SCUBE2: variants seen among roughly 807,000 people sequenced by gnomAD.
SCUBE2 encodes signal peptide, CUB domain and EGF like domain containing 2.
SCUBE2 carries 114 observed loss-of-function variants against 125.9 expected under a neutral mutation model. That is an observed-to-expected ratio of 0.91 (90% CI 0.78 to 1.06). SCUBE2 has a LOEUF of 1.06. SCUBE2 is among the 50% of genes least tolerant of loss of function. SCUBE2 has a pLI of 0.00. For missense variants in SCUBE2, 1,255 were observed against 1,301.8 expected (o/e 0.96, Z 0.55); for synonymous variants, 459 against 492.9 (o/e 0.93, Z 0.91).
chr11:9,028,212 T>G (rs1195861833), intron 19 of SCUBE2, among the ~76,000 whole-genome samples: 1 of 119,370 alleles, frequency 8.4e-6, no homozygotes, highest in Non-Finnish European at 1.9e-5. Context: ...TTTTTTTTCC[T>G]CATTTTTTTT....
At position 9,086,588 on chromosome 11, in the gene SCUBE2, C is replaced by A. The variant is rs566925630; in HGVS notation, c.256+3119G>T. 1.4e-3 allele frequency among the ~76,000 whole-genome samples: 219 copies of A among 152,024 alleles called. 1 individual carries two copies. The highest frequency in any genetic ancestry group is 4.9e-3 in the African/African-American group (204 of 41,450). On this transcript the variant is annotated intron_variant, in intron 2 of 22. Transcript: ENST00000649792. The stretch of plus-strand genomic sequence containing the variant: ...GACATCCTGGCCGGGCGCAGTGGCT[C>A]ACGCCTATAATCCCAGCACTTTGGG...
chr11:9,040,514 AG>A (rs1380455072), intron 16 of SCUBE2, among the ~76,000 whole-genome samples: 6 of 113,220 alleles, frequency 5.3e-5, no homozygotes, highest in African/African-American at 1.7e-4. Flanking sequence ...CGCAGGAGAA[AG>A]GGAGGATTCA....
intron 16 of SCUBE2, among the ~76,000 whole-genome samples, chr11:9,040,979 GAA>G (rs1857190189): frequency 1.3e-5 from 2 of 152,230 alleles, no homozygotes; most frequent in African/African-American, 4.8e-5. Flanking sequence ...TCATGAGACA[GAA>G]ACAGTTACGA....
chr11:9,059,364 G>A lies in SCUBE2; in HGVS notation c.1029C>T (p.Gly343=). The A allele has an allele frequency of 1.2e-6, 2 of 1,614,164 alleles. No individual in the cohort carries two copies. The highest frequency in any genetic ancestry group is 1.1e-5 in the South Asian group (1 of 91,082). Residue 343 remains glycine, a synonymous_variant, in exon 9 of 23, where the codon GGC becomes GGT. Coordinates refer to ENST00000649792, the MANE Select transcript of SCUBE2 (RefSeq NM_001367977.2). ...CTTTCTTGCAGCCGCAGTCAAAACT[G>A]CCCACGATGTTTTTGCAGAAATGAT... ...GCDHFCKNIV[G]SFDCGCKKGF...
chr11:9,053,134 A>C lies in SCUBE2; in HGVS notation c.1412T>G (p.Phe471Cys), dbSNP rs1186804191. ...CGKSGGGDGC[F>C]LRCHSGIHLS... ...GTGAATGCCAGAGTGACATCTGAGG[A>C]AGCACCCGTCTCCTCCACCACTCTT... Residue 471 changes from phenylalanine (F) to cysteine (C), a missense_variant, in exon 12 of 23, where the codon TTC (phenylalanine) becomes TGC (cysteine). By Grantham distance (205) the Phe-to-Cys change is radical. Coordinates refer to ENST00000649792, the MANE Select transcript of SCUBE2 (RefSeq NM_001367977.2). The C allele has an allele frequency of 6.2e-7, 1 of 1,614,092 alleles. No homozygotes were observed. The highest frequency in any genetic ancestry group is 1.3e-5 in the African/African-American group (1 of 74,940).
At chr11:9,036,919 T>A (rs1401952077) in intron 16 of SCUBE2, among the ~76,000 whole-genome samples, 1 of 152,204 alleles carries the variant, frequency 6.6e-6, no homozygotes, top group Non-Finnish European at 1.5e-5. Context: ...CACCAGTTCT[T>A]TTTCCTCACA....
intron 2 of SCUBE2, among the ~76,000 whole-genome samples, chr11:9,089,288 G>C (rs1462884246): frequency 1.3e-5 from 2 of 152,220 alleles, no homozygotes; most frequent in Non-Finnish European, 2.9e-5. Flanking sequence ...CTCCTGAGCT[G>C]GTAGGGGAGG....
chr11:9,059,263 G>A (rs1480807688), intron 9 of SCUBE2, 40 bp downstream of exon 9: 2 of 1,602,928 alleles, frequency 1.2e-6, no homozygotes, highest in Non-Finnish European at 1.7e-6. Flanking sequence ...GCTCCAACCT[G>A]TGGGCCATTG....
At chr11:9,030,438 G>T in intron 18 of SCUBE2, 1 of 413,512 alleles carries the variant, frequency 2.4e-6, no homozygotes, top group South Asian at 2.9e-5. Flanking sequence ...AAGGGGTATT[G>T]GGGGGAAGCT....
At chr11:9,073,885 A>G (rs758535408) in intron 4 of SCUBE2, among the ~76,000 whole-genome samples, 1 of 152,246 alleles carries the variant, frequency 6.6e-6, no homozygotes, top group African/African-American at 2.4e-5. Flanking sequence ...AGAGAAGGAC[A>G]TCAGAAGAGA....
intron 14 of SCUBE2, among the ~76,000 whole-genome samples, chr11:9,048,471 C>T (rs759432509): frequency 3.9e-5 from 6 of 152,134 alleles, no homozygotes; most frequent in African/African-American, 1.4e-4. Context: ...CTGGATGTGC[C>T]GAGCAGGGGC....
intron 22 of SCUBE2, 71 bp downstream of exon 22, chr11:9,021,805 A>C (rs533128958): frequency 1.7e-6 from 2 of 1,168,850 alleles, no homozygotes; most frequent in African/African-American, 3.0e-5. Context: ...GAGCAGGAGG[A>C]GAAGCCTTCT....
At chr11:9,057,984 A>T (rs1342864896) in intron 9 of SCUBE2, among the ~76,000 whole-genome samples, 1 of 152,224 alleles carries the variant, frequency 6.6e-6, no homozygotes, top group Admixed American at 6.5e-5. Flanking sequence ...CACCCAAAAC[A>T]GCTGCTAATA....
chr11:9,047,876 G>A (rs1291950199), intron 15 of SCUBE2, 67 bp downstream of exon 15: 1 of 1,512,080 alleles, frequency 6.6e-7, no homozygotes, highest in Non-Finnish European at 8.9e-7. Flanking sequence ...ATAATAAAAA[G>A]TGAAAGGCAA....
At chr11:9,074,784 C>T (rs1861087374) in intron 3 of SCUBE2, among the ~76,000 whole-genome samples, 169 bp from the exon 4 acceptor site, 1 of 152,234 alleles carries the variant, frequency 6.6e-6, no homozygotes, top group Non-Finnish European at 1.5e-5. Flanking sequence ...CTACCCAGTC[C>T]TTACGGGTCT....
At chr11:9,065,502 T>G (rs1380824572) in intron 7 of SCUBE2, among the ~76,000 whole-genome samples, 3 of 152,186 alleles carry the variant, frequency 2.0e-5, no homozygotes, top group Non-Finnish European at 4.4e-5. Flanking sequence ...TCTTTCTTTA[T>G]CAATTACCCA....
intron 2 of SCUBE2, among the ~76,000 whole-genome samples, chr11:9,086,982 T>G (rs1187434329): frequency 6.6e-6 from 1 of 152,160 alleles, no homozygotes; most frequent in Non-Finnish European, 1.5e-5. Flanking sequence ...ATGCTCACTG[T>G]TAACCATGAC....
Position 9,020,880 on chromosome 11 carries a change from A to C in SCUBE2, c.*165T>G. On this transcript the variant is annotated 3_prime_UTR_variant, in exon 23 of 23. Coordinates refer to ENST00000649792, the MANE Select transcript of SCUBE2 (RefSeq NM_001367977.2). ...CCACGATGCTGGGAAAGAAAAACCAAGTTCAATTTACCAAAATATCTGTAT... is the reference window on the plus strand; with the variant it reads ...CCACGATGCTGGGAAAGAAAAACCACGTTCAATTTACCAAAATATCTGTAT... 1.7e-6 allele frequency: 1 copy of C among 578,356 alleles called. No individual in the cohort carries two copies. The allele number at this position is 578,356 out of a possible 1,614,324, so 35.8% of individuals were successfully genotyped here.
rs202113582 is a variant in SCUBE2, at chr11:9,029,925, G to T, written c.2462C>A (p.Thr821Lys). 6.2e-7 allele frequency: 1 copy of T among 1,614,198 alleles called. No homozygotes were observed. The highest frequency in any genetic ancestry group is 1.3e-5 in the African/African-American group (1 of 75,046). ...GTTTGTGGAGCCATCAAAGTCAGTC[G>T]TAGTATTTCCTGGGCAAGAAACACA... Reference protein sequence around the residue: ...NNCVSCPGNTTTDFDGSTNIT... With the variant: ...NNCVSCPGNTKTDFDGSTNIT... The change falls in exon 19 of 23, where the codon ACG becomes AAG. Residue 821 changes from threonine to lysine, a missense_variant. Physicochemically the swap from Thr to Lys is moderately conservative, Grantham distance 78. Transcript: ENST00000649792.
Sources: allele counts gnomAD v4.1 joint callset (sites outside exome capture counted in the v4.1 genomes callset), GRCh38; gene constraint gnomAD v4.1.1; transcripts MANE v1.5; gene names NCBI Gene and HGNC (gene_info 2026-07-23, HGNC 2026-07-21).